PCDHA3: variants seen among roughly 807,000 people sequenced by gnomAD.
The protein encoded by PCDHA3 is protocadherin alpha 3.
A neutral mutation model predicts 62.2 loss-of-function variants in PCDHA3; 41 were observed. That is an observed-to-expected ratio of 0.66 (90% CI 0.51 to 0.86). The LOEUF (loss-of-function observed/expected upper bound fraction) is 0.86. Ranked by LOEUF, PCDHA3 falls within the 40% of genes least tolerant of loss-of-function variation. PCDHA3 has a pLI of 0.00. For missense variants in PCDHA3, 1,304 were observed against 1,241.2 expected (o/e 1.05, Z -0.76); for synonymous variants, 640 against 555.4 (o/e 1.15, Z -2.14).
intron 1 of PCDHA3, among the ~76,000 whole-genome samples, chr5:140,887,101 C>CTT (rs200717289): frequency 4.1e-5 from 6 of 145,304 alleles, no homozygotes; most frequent in African/African-American, 1.0e-4. Context: ...ATCTTTATCT[C>CTT]TTTTTTTTTT....
At chr5:140,978,739 T>C (rs2096820890) in intron 1 of PCDHA3, among the ~76,000 whole-genome samples, 1 of 152,252 alleles carries the variant, frequency 6.6e-6, no homozygotes, top group Non-Finnish European at 1.5e-5. Context: ...TCTTCCAGGG[T>C]ATCTAATCTG....
intron 1 of PCDHA3, chr5:140,883,933 G>C: frequency 6.2e-7 from 1 of 1,613,398 alleles, no homozygotes; most frequent in Non-Finnish European, 8.5e-7. Flanking sequence ...AGGTGTTCGT[G>C]CTGGACGAGA....
At chr5:140,811,769 C>T (rs1554125810) in intron 1 of PCDHA3, 1 of 152,180 alleles carries the variant, frequency 6.6e-6, no homozygotes, top group African/African-American at 2.4e-5. Context: ...GGCATTTTTT[C>T]ATGTGTCTGT....
intron 1 of PCDHA3, chr5:140,927,052 A>G: frequency 6.2e-7 from 1 of 1,611,924 alleles, no homozygotes; most frequent in Middle Eastern, 1.7e-4. Flanking sequence ...GTCCTCGCGG[A>G]ACTTTCGCTT....
At chr5:140,830,281 C>A (rs2150184212) in intron 1 of PCDHA3, 1 of 1,613,822 alleles carries the variant, frequency 6.2e-7, no homozygotes, top group Non-Finnish European at 8.5e-7. Flanking sequence ...CCACCGAGGG[C>A]GCGTGCACGG....
chr5:140,867,131 T>A (rs769857763), intron 1 of PCDHA3: 12 of 152,188 alleles, frequency 7.9e-5, no homozygotes, highest in African/African-American at 2.9e-4. Context: ...TTCAAATATG[T>A]GATATTATCA....
Position 140,848,728 on chromosome 5 carries a change from A to G in PCDHA3, c.2394+45137A>G. On this transcript the variant is annotated intron_variant, in intron 1 of 3. Transcript: ENST00000522353. ...GGCCGCGGGGACCTTCTGGAGGTAAATCTGCAGAATGGCATTTTGTTTGTG... is the reference window on the plus strand; with the variant it reads ...GGCCGCGGGGACCTTCTGGAGGTAAGTCTGCAGAATGGCATTTTGTTTGTG... 5 of 1,592,594 alleles carry G rather than the reference A, an allele frequency of 3.1e-6. No individual in the cohort carries two copies. Among genetic ancestry groups the G allele is most frequent in the South Asian group, 1.1e-5 (1 of 90,116 alleles).
chr5:140,936,275 T>C (rs1423652397), intron 1 of PCDHA3, among the ~76,000 whole-genome samples: 1 of 152,216 alleles, frequency 6.6e-6, no homozygotes, highest in African/African-American at 2.4e-5. Context: ...TATATTCCTG[T>C]GTTTTCTTCT....
At chr5:140,931,783 T>A (rs2087751344) in intron 1 of PCDHA3, among the ~76,000 whole-genome samples, 1 of 151,996 alleles carries the variant, frequency 6.6e-6, no homozygotes, top group African/African-American at 2.4e-5. Context: ...TTCAATTACC[T>A]ATTGATCTGA....
chr5:140,843,571 C>T lies in PCDHA3; in HGVS notation c.2394+39980C>T, dbSNP rs1230037847. ...CCAGTGCGGTGGGGAGCTGGTCATA[C>T]TCGCAACAACAGCCGCAGAGGGTGT... On this transcript the variant is annotated intron_variant, in intron 1 of 3. Transcript: ENST00000522353. The T allele has an allele frequency of 3.8e-6, 6 of 1,595,858 alleles. 1 individual carries two copies. In the African/African-American group the frequency reaches 8.1e-5, roughly 21 times the overall value.
chr5:140,949,809 G>A (rs782774481), intron 1 of PCDHA3, among the ~76,000 whole-genome samples: 1 of 151,712 alleles, frequency 6.6e-6, no homozygotes. Flanking sequence ...TACATTATTT[G>A]CTTTCTATTT....
rs1440193758 is a variant in PCDHA3 at position 140,844,281 on chromosome 5, T to C, written c.2394+40690T>C. ...AGTGATAAAATACAGAATGATAGTG[T>C]TTTTCAAAATTTGATAGTTTTCATA... On this transcript the variant is annotated intron_variant, in intron 1 of 3. Coordinates refer to ENST00000522353, the MANE Select transcript of PCDHA3 (RefSeq NM_018906.3). Among the ~76,000 whole-genome samples the C allele has an allele frequency of 1.3e-5, 2 of 149,114 alleles. 1 individual carries two copies. Among genetic ancestry groups the C allele is most frequent in the Non-Finnish European group, 3.0e-5 (2 of 66,432 alleles).
At chr5:140,852,756 G>A in intron 1 of PCDHA3, 1 of 983,910 alleles carries the variant, frequency 1.0e-6, no homozygotes, top group Non-Finnish European at 1.2e-6. Context: ...CTTGGACCCA[G>A]GTATCTGATT....
intron 1 of PCDHA3, chr5:140,968,417 G>T (rs1459159857): frequency 3.7e-6 from 6 of 1,614,036 alleles, no homozygotes; most frequent in Non-Finnish European, 5.1e-6. Flanking sequence ...GACTGTGGAG[G>T]CTCAGGACAA....
At position 140,801,317 on chromosome 5, in the gene PCDHA3, G is replaced by A; in HGVS notation, c.120G>A (p.Lys40=). Residue 40 remains lysine (K), a synonymous_variant, in exon 1 of 4, where the codon AAG becomes AAA. Transcript: ENST00000522353. ...ACTACTCCGTCTCTGAGGAGGCCAA[G>A]CATGGCACCTTCGTGGGCCGCATCG... ...QLHYSVSEEA[K]HGTFVGRIAQ... 3 of 1,613,362 alleles carry A rather than the reference G, an allele frequency of 1.9e-6. No homozygotes were observed. Among genetic ancestry groups the A allele is most frequent in the South Asian group, 1.1e-5 (1 of 91,046 alleles).
intron 1 of PCDHA3, chr5:140,829,211 G>T: frequency 1.2e-6 from 2 of 1,614,206 alleles, no homozygotes; most frequent in Non-Finnish European, 1.7e-6. Context: ...CCTAATTAGC[G>T]TGAACGACCT....
chr5:140,840,858 A>G (rs1200683649), intron 1 of PCDHA3, among the ~76,000 whole-genome samples: 2 of 152,006 alleles, frequency 1.3e-5, no homozygotes, highest in Non-Finnish European at 2.9e-5. Context: ...TCCACACGAA[A>G]CTATGGAGGA....
intron 1 of PCDHA3, among the ~76,000 whole-genome samples, chr5:140,946,992 A>G (rs1393633852): frequency 6.6e-6 from 1 of 151,790 alleles, no homozygotes; most frequent in Non-Finnish European, 1.5e-5. Context: ...TGAGTGTTCT[A>G]ACTTCAAAGA....
intron 3 of PCDHA3, among the ~76,000 whole-genome samples, chr5:141,006,182 T>G (rs1388785445): frequency 1.3e-5 from 2 of 151,170 alleles, no homozygotes; most frequent in Non-Finnish European, 2.9e-5. Flanking sequence ...TTTAAAAGAG[T>G]TTGCTATATG....
Sources: gnomAD v4.1 joint callset for allele counts (sites outside exome capture counted in the v4.1 genomes callset) on GRCh38, gnomAD v4.1.1 for gene constraint, MANE v1.5 for transcripts, NCBI Gene and HGNC (gene_info 2026-07-23, HGNC 2026-07-21) for gene names.